Variants in THBS1 observed in about 807,000 individuals in gnomAD.
THBS1 encodes the protein thrombospondin 1, also known as thrombospondin-1.
In THBS1, 29 loss-of-function variants were observed where a neutral mutation model predicts 126.1. The observed-to-expected ratio is 0.23, with a 90% confidence interval of 0.17 to 0.31. The LOEUF is 0.31. THBS1 is among the 10% of genes least tolerant of loss of function. The pLI, the probability that THBS1 is intolerant of heterozygous loss-of-function variation, is 1.00. For missense variants in THBS1, 1,198 were observed against 1,545.2 expected, an observed-to-expected ratio of 0.78 and a Z score of 3.77; for synonymous variants, 496 against 577.8, an observed-to-expected ratio of 0.86 and a Z score of 2.03.
intron 14 of THBS1, 194 bp from the exon 15 acceptor site, chr15:39,590,997 C>T: frequency 3.2e-6 from 2 of 627,594 alleles, no homozygotes; most frequent in African/African-American, 1.8e-5. Flanking sequence ...TTCTAACCCA[C>T]AGGGATCCAT....
chr15:39,582,848 C>A, intron 3 of THBS1, 96 bp downstream of exon 3: 2 of 1,331,476 alleles, frequency 1.5e-6, no homozygotes, highest in Non-Finnish European at 2.0e-6. Context: ...TAAACTAACG[C>A]AGCAGTTCTC....
Position 39,592,717 on chromosome 15 carries a change from T to C in THBS1, c.2682T>C (p.Cys894=). 6.2e-7 allele frequency: 1 copy of C among 1,614,216 alleles called. No individual in the cohort carries two copies. The highest frequency in any genetic ancestry group is 1.1e-5 in the South Asian group (1 of 91,072). Residue 894 remains cysteine, a synonymous_variant, in exon 17 of 22, where the codon TGT becomes TGC. Coordinates refer to ENST00000260356, the MANE Select transcript of THBS1 (RefSeq NM_003246.4). The surrounding 1 kb of genome is among the most constrained non-coding windows in gnomAD (Gnocchi z 4.3). ...ACAAAGATGGCAAGGGAGATGCCTG[T>C]GACCACGATGATGACAACGATGGCA... ...DHDKDGKGDA[C]DHDDDNDGIP...
Position 39,591,394 on chromosome 15 carries a change from T to A in THBS1, c.2413+44T>A, listed in dbSNP as rs765454431. ...AGAGGGCCCGCGGGAGACAGGGACATGCACAGCTTTCCAAACGTACTTCTG... is the reference window on the plus strand; with the variant it reads ...AGAGGGCCCGCGGGAGACAGGGACAAGCACAGCTTTCCAAACGTACTTCTG... On this transcript the variant is annotated intron_variant, in intron 15 of 21. Coordinates refer to ENST00000260356, the MANE Select transcript of THBS1 (RefSeq NM_003246.4). 1.9e-6 allele frequency: 3 copies of A among 1,598,746 alleles called. No homozygotes were observed. The South Asian group carries it at 3.4e-5, about 18-fold the overall frequency.
At position 39,592,250 on chromosome 15, in the gene THBS1, G is replaced by T. The variant is rs1033452857; in HGVS notation, c.2533-318G>T. Among the ~76,000 whole-genome samples the T allele has an allele frequency of 6.6e-6, 1 of 152,120 alleles. No individual in the cohort carries two copies. Among genetic ancestry groups the T allele is most frequent in the African/African-American group, 2.4e-5 (1 of 41,434 alleles). On this transcript the variant is annotated intron_variant, in intron 16 of 21. Transcript: ENST00000260356. The surrounding 1 kb of genome is among the most constrained non-coding windows in gnomAD (Gnocchi z 4.3). ...TCCAGAAAATTTCATTTAACATTAA[G>T]ATGTAAACAGTTAACATTTCATTTC... is the stretch of plus-strand genomic sequence containing the variant.
chr15:39,582,133 A>C, intron 2 of THBS1, 60 bp from the exon 3 acceptor site: 2 of 1,523,954 alleles, frequency 1.3e-6, no homozygotes, highest in Non-Finnish European at 1.8e-6. Flanking sequence ...CTAAGGACTC[A>C]GCCCCCTACT....
chr15:39,591,732 C>A, intron 16 of THBS1, 109 bp downstream of exon 16: 3 of 1,044,182 alleles, frequency 2.9e-6, no homozygotes, highest in Non-Finnish European at 4.4e-6. Context: ...ATTACTGTGG[C>A]TCCCTGGCTT....
chr15:39,583,900 A>G (rs1483193272), intron 4 of THBS1, 88 bp from the exon 5 acceptor site: 2 of 1,510,738 alleles, frequency 1.3e-6, no homozygotes, highest in African/African-American at 2.8e-5. Context: ...CATCCTTCAC[A>G]CCAAATGAAA....
rs765883262 is a variant in THBS1 at position 39,591,285 on chromosome 15, C to T, written c.2348C>T (p.Pro783Leu). ...RCDNCPYNHN[P>L]DQADTDNNGE... The stretch of plus-strand genomic sequence containing the variant: ...GACAACTGTCCCTACAACCACAACC[C>T]AGATCAGGCAGACACAGACAACAAT... Residue 783 changes from proline (P) to leucine (L), a missense_variant, in exon 15 of 22, where the codon CCA becomes CTA. By Grantham distance (98) the Pro-to-Leu change is moderately conservative (BLOSUM62 -3). Around this residue, in one of 4 missense-constraint regions of THBS1, gnomAD observed 663 missense variants for 860.1 expected, o/e 0.77. Transcript: ENST00000260356. The T allele has an allele frequency of 4.3e-6, 7 of 1,614,166 alleles. No homozygotes were observed. The South Asian group carries it at 5.5e-5, about 13-fold the overall frequency.
intron 6 of THBS1, 23 bp from the exon 7 acceptor site, chr15:39,585,447 C>A: frequency 6.2e-7 from 1 of 1,608,356 alleles, no homozygotes; most frequent in South Asian, 1.1e-5. Flanking sequence ...AGCCTGTTCC[C>A]CTCTCACTCT....
Position 39,589,180 on chromosome 15 carries a change from C to A in THBS1, c.1774-22C>A. 6.2e-7 allele frequency: 1 copy of A among 1,613,912 alleles called. No homozygotes were observed. The highest frequency in any genetic ancestry group is 8.5e-7 in the Non-Finnish European group (1 of 1,179,856). On this transcript the variant is annotated intron_variant, in intron 11 of 21. Coordinates refer to ENST00000260356, the MANE Select transcript of THBS1 (RefSeq NM_003246.4). This position sits in a 1 kb window ranked among gnomAD's most constrained non-coding sequence, Gnocchi z 4.7. ...ATGGCAGTGACTTCTAAACATGATG[C>A]ACGCTCTTATTTCCTCCATAGTGCA...
rs139623822 is a variant in THBS1, at chr15:39,587,378, A to G, written c.1152A>G (p.Pro384=). Reference sequence around the variant, plus strand: ...ACTCTGCGGACGATGGCTGGTCTCCATGGTCCGAGTGGACCTCCTGTTCTA... The same window carrying G: ...ACTCTGCGGACGATGGCTGGTCTCCGTGGTCCGAGTGGACCTCCTGTTCTA... The part of the protein sequence containing the change: ...PSDSADDGWS[P]WSEWTSCSTS... The change falls in exon 8 of 22, where the codon CCA becomes CCG. Residue 384 remains proline (P), a synonymous_variant. Coordinates refer to ENST00000260356, the MANE Select transcript of THBS1 (RefSeq NM_003246.4). 13 of 1,613,648 alleles carry G rather than the reference A, an allele frequency of 8.1e-6. No homozygotes were observed. The highest frequency in any genetic ancestry group is 6.7e-5 in the Admixed American group (4 of 60,002).
chr15:39,584,264 T>C, intron 5 of THBS1, 36 bp from the exon 6 acceptor site: 1 of 1,614,074 alleles, frequency 6.2e-7, no homozygotes, highest in Non-Finnish European at 8.5e-7. Flanking sequence ...TGACTGAAAA[T>C]GCGGGGGGAC....
Position 39,593,601 on chromosome 15 carries a change from ACT to A in THBS1, c.3202_3203del (p.Ser1068HisfsTer28), listed in dbSNP as rs1211539816. On this transcript the variant is annotated frameshift_variant, in exon 19 of 22. Coordinates refer to ENST00000260356, the MANE Select transcript of THBS1 (RefSeq NM_003246.4). LOFTEE classifies it high-confidence loss of function. This position sits in a 1 kb window ranked among gnomAD's most constrained non-coding sequence, Gnocchi z 5.9. ...TCGGGCCTTTCTGTGAAAGTTGTAAACTCCACCACAGGGCCTGGCGAGCACCT... is the reference window on the plus strand; with the variant it reads ...TCGGGCCTTTCTGTGAAAGTTGTAAACCACCACAGGGCCTGGCGAGCACCT... 6.2e-7 allele frequency: 1 copy of A among 1,613,960 alleles called. No homozygotes were observed.
intron 7 of THBS1, among the ~76,000 whole-genome samples, chr15:39,586,026 A>G (rs1890202137): frequency 6.6e-6 from 1 of 152,192 alleles, no homozygotes; most frequent in African/African-American, 2.4e-5. Context: ...AATAGCAGCA[A>G]TCTGAGCTCT....
rs1258392932 is a variant in THBS1, at chr15:39,596,890, C to G, written c.*1521C>G. On this transcript the variant is annotated 3_prime_UTR_variant, in exon 22 of 22. Coordinates refer to ENST00000260356, the MANE Select transcript of THBS1 (RefSeq NM_003246.4). ...GGTGAAACTTACATACAAATATTAC[C>G]TCATTTGTTGTGTGACTGAGTAAAG... 6.6e-6 allele frequency: 1 copy of G among 151,982 alleles called. No homozygotes were observed. The highest frequency in any genetic ancestry group is 1.5e-5 in the Non-Finnish European group (1 of 68,002). The allele number at this position is 151,982 out of a possible 1,614,324, so 9.4% of individuals were successfully genotyped here.
In THBS1 at chr15:39,581,639, C is replaced by CCTCTCTCTCTCT. The variant is rs3138595; in HGVS notation, c.-29-172_-29-161dup. ...TTAAAACCAGCATCTCTTTCCTCCA[C>CCTCTCTCTCTCT]CTCTCTCTCTCTCTCTCTCTCTCTC... On this transcript the variant is annotated intron_variant, in intron 1 of 21. Coordinates refer to ENST00000260356, the MANE Select transcript of THBS1 (RefSeq NM_003246.4). 1,038 of 366,004 alleles carry CCTCTCTCTCTCT rather than the reference C, an allele frequency of 2.8e-3. 24 individuals carry two copies. The highest frequency in any genetic ancestry group is 0.024 in the African/African-American group (886 of 36,456). 22.7% of individuals were successfully genotyped at this position (366,004 alleles called of 1,614,324 possible).
rs565486359 is a variant in THBS1 at position 39,588,397 on chromosome 15, C to A, written c.1472-129C>A. 1.1e-5 allele frequency: 15 copies of A among 1,325,836 alleles called. No homozygotes were observed. The African/African-American group carries it at 2.1e-4, about 18-fold the overall frequency. The allele number at this position is 1,325,836 out of a possible 1,614,324, so 82.1% of individuals were successfully genotyped here. ...TTCTTTTAATGAAAAACAAACTCAC[C>A]CTCTTCCCCAGCATTCTTTCCATGT... On this transcript the variant is annotated intron_variant, in intron 9 of 21. Transcript: ENST00000260356.
In THBS1 at chr15:39,595,365, C is replaced by A; in HGVS notation, c.3509C>A (p.Pro1170His). 6.8e-7 allele frequency: 1 copy of A among 1,478,446 alleles called. No individual in the cohort carries two copies. 91.6% of individuals were successfully genotyped at this position (1,478,446 alleles called of 1,614,324 possible). ...TTTATATTTGTTTATTTAACAGATC[C>A]CTAATCATCAAATTGTTGATTGAAA... Reference protein sequence around the residue: ...FSDLKYECRDP With the variant: ...FSDLKYECRDH Residue 1170 changes from proline (P) to histidine (H), a missense_variant, in exon 22 of 22, where the codon CCC (proline) becomes CAC (histidine). This residue lies in a region of THBS1 where 255 missense variants were observed against 373.9 expected (regional missense o/e 0.68). Transcript: ENST00000260356.
At position 39,598,054 on chromosome 15, in the gene THBS1, G is replaced by A. The variant is rs1024207385; in HGVS notation, c.*2685G>A. On this transcript the variant is annotated 3_prime_UTR_variant, in exon 22 of 22. Coordinates refer to ENST00000260356, the MANE Select transcript of THBS1 (RefSeq NM_003246.4). ...AAATTTGGAAGGAATCCATAAATGC[G>A]TGTGTGTCTAAATACAAATTATCAT... 3.3e-5 allele frequency: 5 copies of A among 152,196 alleles called. No individual in the cohort carries two copies. The highest frequency in any genetic ancestry group is 4.4e-5 in the Non-Finnish European group (3 of 68,026). The allele number at this position is 152,196 out of a possible 1,614,324, so 9.4% of individuals were successfully genotyped here. A position where few individuals can be genotyped will look rare whatever the true frequency, so the allele number is the denominator to read the frequency against.
Sources: gnomAD v4.1 joint callset for allele counts (sites outside exome capture counted in the v4.1 genomes callset) on GRCh38, gnomAD v4.1.1 for gene constraint, gnomAD v4.1.1 regional missense constraint, Gnocchi (gnomAD v3.1) non-coding constraint, MANE v1.5 for transcripts, NCBI Gene and HGNC (gene_info 2026-07-23, HGNC 2026-07-21) for gene names.